SV2C: variants seen among roughly 807,000 people sequenced by gnomAD.
SV2C encodes solute carrier family 22 member B3.
In SV2C, 49 loss-of-function variants were observed where a neutral mutation model predicts 79.7. That is an observed-to-expected ratio of 0.61 (90% CI 0.49 to 0.78). The LOEUF is 0.78. SV2C is among the 30% of genes least tolerant of loss of function. The pLI, the probability that SV2C is intolerant of heterozygous loss-of-function variation, is 0.00. For missense variants in SV2C, 833 were observed against 912.9 expected (o/e 0.91, Z 1.13); for synonymous variants, 334 against 333.2 (o/e 1.00, Z -0.03).
chr5:75,851,147 A>G, the SV2C span, among the ~76,000 whole-genome samples: 1 of 152,218 alleles, frequency 6.6e-6, no homozygotes, highest in Non-Finnish European at 1.5e-5. Flanking sequence ...CTCCAGCTTC[A>G]GCTACACGGG....
the SV2C span, chr5:75,921,568 G>T: frequency 1.1e-6 from 1 of 939,364 alleles, no homozygotes; most frequent in Non-Finnish European, 1.7e-6. Flanking sequence ...TTGTGTCATT[G>T]CGGCCCGTGA....
chr5:75,869,397 G>A, the SV2C span, among the ~76,000 whole-genome samples: 1 of 152,186 alleles, frequency 6.6e-6, no homozygotes, highest in Non-Finnish European at 1.5e-5. Context: ...TGGTGGTAAC[G>A]GCCACAGGGT....
chr5:76,174,065 T>C (rs1402944972), intron 2 of SV2C: 3 of 1,577,592 alleles, frequency 1.9e-6, no homozygotes, highest in Admixed American at 3.3e-5. Context: ...TTGCTCTCTA[T>C]AAGAATCTTC....
intron 3 of SV2C, among the ~76,000 whole-genome samples, chr5:76,195,317 T>C (rs1348101263): frequency 6.6e-6 from 1 of 152,184 alleles, no homozygotes; most frequent in Non-Finnish European, 1.5e-5. Context: ...TAGCTGATTA[T>C]TACTTCTAGA....
Position 76,132,344 on chromosome 5 carries a change from G to A in SV2C, c.580+14G>A. 3 of 1,593,850 alleles carry A rather than the reference G, an allele frequency of 1.9e-6. No homozygotes were observed. Among genetic ancestry groups the A allele is most frequent in the South Asian group, 2.3e-5 (2 of 88,352 alleles). On this transcript the variant is annotated intron_variant, in intron 2 of 12. Coordinates refer to ENST00000502798, the MANE Select transcript of SV2C (RefSeq NM_014979.4). The stretch of plus-strand genomic sequence containing the variant: ...CTGGATGGCTAGGTGAGTGTGTGGT[G>A]TCAGTGAGGCCAACTCTGAAACTGG...
intron 4 of SV2C, among the ~76,000 whole-genome samples, chr5:76,220,819 C>T (rs1745045639): frequency 6.6e-6 from 1 of 152,092 alleles, no homozygotes; most frequent in Non-Finnish European, 1.5e-5. Context: ...TAGCATGTTC[C>T]AACTGTAGGG....
chr5:76,165,628 C>T (rs199665440), intron 2 of SV2C, among the ~76,000 whole-genome samples: 244 of 145,966 alleles, frequency 1.7e-3, no homozygotes, highest in African/African-American at 5.0e-3. Context: ...CTTTTTTTTT[C>T]TTTTTTACTT....
the SV2C span, among the ~76,000 whole-genome samples, chr5:75,895,566 C>T: frequency 2.0e-4 from 30 of 151,920 alleles, no homozygotes; most frequent in African/African-American, 5.1e-4. Context: ...AGATTAGAGT[C>T]GGGATGATGG....
the SV2C span, among the ~76,000 whole-genome samples, chr5:75,871,872 TATTA>T: frequency 0.02 from 2,765 of 135,144 alleles, 44 homozygotes; most frequent in African/African-American, 0.056. Context: ...TATATATTTT[TATTA>T]TTATTATTAT....
At chr5:76,172,466 GT>G (rs1743336861) in intron 2 of SV2C, among the ~76,000 whole-genome samples, 1 of 88,576 alleles carries the variant, frequency 1.1e-5, no homozygotes. Context: ...TGTCCGGGAG[GT>G]GAGGGGCGCC....
intron 2 of SV2C, among the ~76,000 whole-genome samples, chr5:76,157,413 GTTAT>G (rs1442947171): frequency 5.3e-5 from 8 of 151,968 alleles, no homozygotes; most frequent in South Asian, 2.1e-4. Context: ...AAATGCTAAA[GTTAT>G]TTAGTCTGAA....
the SV2C span, among the ~76,000 whole-genome samples, chr5:75,941,587 C>T: frequency 1.5e-4 from 23 of 152,246 alleles, no homozygotes; most frequent in South Asian, 4.8e-3. Flanking sequence ...ATATGGCTGT[C>T]CAGCTAAAAT....
At chr5:75,914,415 G>A in the SV2C span, among the ~76,000 whole-genome samples, 1 of 152,142 alleles carries the variant, frequency 6.6e-6, no homozygotes, top group African/African-American at 2.4e-5. Context: ...AGGTTTGGGA[G>A]TAAACCCAGC....
chr5:76,053,289 CA>C, the SV2C span, among the ~76,000 whole-genome samples: 1 of 152,140 alleles, frequency 6.6e-6, no homozygotes, highest in Admixed American at 6.5e-5. Context: ...ATAAAACTCC[CA>C]ATTGACACAA....
the SV2C span, among the ~76,000 whole-genome samples, chr5:75,885,273 A>G: frequency 6.6e-6 from 1 of 152,126 alleles, no homozygotes; most frequent in Non-Finnish European, 1.5e-5. Context: ...ATAACATAAT[A>G]TTTTATTAGC....
chr5:75,878,994 T>C, the SV2C span, among the ~76,000 whole-genome samples: 2,022 of 152,216 alleles, frequency 0.013, 39 homozygotes, highest in African/African-American at 0.045. Context: ...ATGGTGAGAA[T>C]GGGAGCAAGA....
chr5:75,989,259 T>G, the SV2C span, among the ~76,000 whole-genome samples: 8 of 152,000 alleles, frequency 5.3e-5, no homozygotes, highest in African/African-American at 1.9e-4. Flanking sequence ...ACCTAGGTAT[T>G]AAGTCCGACA....
At chr5:76,038,922 C>T in the SV2C span, among the ~76,000 whole-genome samples, 2 of 152,232 alleles carry the variant, frequency 1.3e-5, no homozygotes, top group Non-Finnish European at 1.5e-5. Context: ...TGGGAAACTT[C>T]AATCAGGTCT....
chr5:76,262,000 A>G (rs1297899987), intron 4 of SV2C, among the ~76,000 whole-genome samples: 1 of 152,024 alleles, frequency 6.6e-6, no homozygotes, highest in Non-Finnish European at 1.5e-5. Context: ...TATTGTTTGG[A>G]ATAGTTTCAG....
Sources: gnomAD v4.1 joint callset for allele counts (sites outside exome capture counted in the v4.1 genomes callset) on GRCh38, gnomAD v4.1.1 for gene constraint, MANE v1.5 for transcripts, NCBI Gene and HGNC (gene_info 2026-07-23, HGNC 2026-07-21) for gene names.